The following LPGAT1 variants were observed in gnomAD, a reference collection of about 807,000 sequenced individuals.
LPGAT1 encodes acyl-CoA:lysophosphatidylglycerol acyltransferase 1.
A neutral mutation model predicts 47.5 loss-of-function variants in LPGAT1; 11 were observed. That is an observed-to-expected ratio of 0.23 (90% CI 0.15 to 0.38). LPGAT1 has a LOEUF of 0.38. Ranked by LOEUF, LPGAT1 falls within the 10% of genes least tolerant of loss-of-function variation. The probability of loss-of-function intolerance (pLI) is 1.00; values close to 1 mark genes in which losing one functional copy is unlikely to be tolerated. For synonymous variants in LPGAT1, 138 were observed against 144.2 expected (o/e 0.96, Z 0.31); for missense variants, 293 against 439.0 (o/e 0.67, Z 2.97).
chr1:211,773,106 C>G (rs1658247240), intron 6 of LPGAT1, among the ~76,000 whole-genome samples: 1 of 152,130 alleles, frequency 6.6e-6, no homozygotes, highest in African/African-American at 2.4e-5. Context: ...TGCTAGATCA[C>G]AGAGTATGTG....
At chr1:211,753,281 G>A (rs905690477) in intron 6 of LPGAT1, among the ~76,000 whole-genome samples, 5 of 152,136 alleles carry the variant, frequency 3.3e-5, no homozygotes, top group African/African-American at 1.2e-4. Context: ...TTGAAATCTT[G>A]GAGGTCTGCC....
chr1:211,829,007 G>A (rs1415219135), intron 2 of LPGAT1, 52 bp downstream of exon 2: 4 of 1,587,834 alleles, frequency 2.5e-6, no homozygotes, highest in East Asian at 4.5e-5. Context: ...TTTAATCATG[G>A]TTCCTGACAA....
intron 6 of LPGAT1, among the ~76,000 whole-genome samples, chr1:211,761,643 C>T (rs1315242584): frequency 6.6e-6 from 1 of 152,068 alleles, no homozygotes; most frequent in African/African-American, 2.4e-5. Flanking sequence ...TAATAAATTC[C>T]CTTATTGTGA....
chr1:211,822,585 T>C (rs1660397890), intron 2 of LPGAT1, among the ~76,000 whole-genome samples: 1 of 152,070 alleles, frequency 6.6e-6, no homozygotes, highest in African/African-American at 2.4e-5. Flanking sequence ...GAGACCAGCC[T>C]GGCAAACATG....
In LPGAT1 at chr1:211,830,375, C is replaced by G; in HGVS notation, c.-28+198G>C. 1 of 1,166,012 alleles carries G rather than the reference C, an allele frequency of 8.6e-7. No homozygotes were observed. Among genetic ancestry groups the G allele is most frequent in the African/African-American group, 1.6e-5 (1 of 61,974 alleles). 72.2% of individuals were successfully genotyped at this position (1,166,012 alleles called of 1,614,324 possible). On this transcript the variant is annotated intron_variant, in intron 1 of 7. Transcript: ENST00000366997. The surrounding 1 kb of genome is among the most constrained non-coding windows in gnomAD (Gnocchi z 5.9). ...GGGGACTCAGAGGCCGGACCTGTCA[C>G]CCGGGCGGGTCCCGGGGAGGCGGGC... is the stretch of plus-strand genomic sequence containing the variant.
chr1:211,822,536 G>T (rs1342478156), intron 2 of LPGAT1, among the ~76,000 whole-genome samples: 1 of 152,124 alleles, frequency 6.6e-6, no homozygotes, highest in African/African-American at 2.4e-5. Flanking sequence ...GAGCACTTTG[G>T]GAGGCTGAGG....
intron 2 of LPGAT1, among the ~76,000 whole-genome samples, chr1:211,797,754 G>C (rs1373631369): frequency 2.0e-5 from 3 of 152,114 alleles, no homozygotes; most frequent in African/African-American, 7.2e-5. Context: ...TTCTTACACT[G>C]CACTTGATTA....
At chr1:211,820,802 A>G (rs995076080) in intron 2 of LPGAT1, among the ~76,000 whole-genome samples, 3 of 152,170 alleles carry the variant, frequency 2.0e-5, no homozygotes, top group Non-Finnish European at 4.4e-5. Context: ...ATGATTAAAG[A>G]AAACTTTCCT....
chr1:211,779,910 G>A lies in LPGAT1; in HGVS notation c.728-866C>T, dbSNP rs369225244. 1.1e-4 allele frequency among the ~76,000 whole-genome samples: 16 copies of A among 150,738 alleles called. No individual in the cohort carries two copies. In the East Asian group the frequency reaches 1.4e-3, roughly 13 times the overall value. On this transcript the variant is annotated intron_variant, in intron 5 of 7. Transcript: ENST00000366997. ...CATAAAAAATTGGCTGGGTGCAGTG[G>A]CTCACGCCTGTAATCCCAGCACTTT...
chr1:211,780,726 T>C (rs1390268575), intron 5 of LPGAT1, among the ~76,000 whole-genome samples: 2 of 152,188 alleles, frequency 1.3e-5, no homozygotes, highest in Non-Finnish European at 2.9e-5. Context: ...ACCAATGATA[T>C]ACATGCTGAA....
intron 2 of LPGAT1, among the ~76,000 whole-genome samples, chr1:211,799,433 T>C (rs1065607): frequency 0.083 from 12,576 of 152,132 alleles, 649 homozygotes; most frequent in Admixed American, 0.15. Flanking sequence ...ATGAGGAAAA[T>C]GAGGCACAAA....
intron 2 of LPGAT1, among the ~76,000 whole-genome samples, chr1:211,815,341 CCT>C (rs149134814): frequency 6.6e-6 from 1 of 152,156 alleles, no homozygotes; most frequent in East Asian, 1.9e-4. Context: ...ATCCCTGTCA[CCT>C]CTCTCTCTAC....
chr1:211,765,872 G>A (rs893169373), intron 6 of LPGAT1, among the ~76,000 whole-genome samples: 11 of 152,168 alleles, frequency 7.2e-5, no homozygotes, highest in African/African-American at 2.7e-4. Flanking sequence ...GTGTCTGTGT[G>A]TGTGTTTCTG....
chr1:211,750,398 T>G (rs1459477613), intron 7 of LPGAT1, among the ~76,000 whole-genome samples: 1 of 152,212 alleles, frequency 6.6e-6, no homozygotes, highest in Non-Finnish European at 1.5e-5. Flanking sequence ...TTATCTTTCT[T>G]TCTGCAGACT....
At chr1:211,809,183 C>A (rs542140141) in intron 2 of LPGAT1, among the ~76,000 whole-genome samples, 76 of 151,576 alleles carry the variant, frequency 5.0e-4, no homozygotes, top group Non-Finnish European at 9.4e-4. Context: ...CCAGCCTGGG[C>A]GACAGTGCGA....
chr1:211,798,169 A>T (rs1659423745), intron 2 of LPGAT1, among the ~76,000 whole-genome samples: 1 of 152,212 alleles, frequency 6.6e-6, no homozygotes, highest in African/African-American at 2.4e-5. Context: ...TATGCCCGCA[A>T]GCTGATGCAA....
At chr1:211,763,369 G>A (rs1182126898) in intron 6 of LPGAT1, among the ~76,000 whole-genome samples, 1 of 152,026 alleles carries the variant, frequency 6.6e-6, no homozygotes, top group Non-Finnish European at 1.5e-5. Context: ...AGCCACTTTG[G>A]CTCTCAGCGC....
chr1:211,772,237 G>GT (rs527591640), intron 6 of LPGAT1, among the ~76,000 whole-genome samples: 130 of 152,276 alleles, frequency 8.5e-4, no homozygotes, highest in African/African-American at 2.9e-3. Flanking sequence ...CAATCATAAC[G>GT]TGAGTTCACA....
intron 1 of LPGAT1, 129 bp from the exon 2 acceptor site, chr1:211,829,452 CGGT>C (rs1422545069): frequency 1.4e-6 from 2 of 1,453,070 alleles, no homozygotes; most frequent in African/African-American, 2.9e-5. Context: ...TGTAGTACCT[CGGT>C]GATCTCTCAG....
Sources: allele counts gnomAD v4.1 joint callset (sites outside exome capture counted in the v4.1 genomes callset), GRCh38; gene constraint gnomAD v4.1.1; non-coding constraint Gnocchi (gnomAD v3.1); transcripts MANE v1.5; gene names NCBI Gene and HGNC (gene_info 2026-07-23, HGNC 2026-07-21).